The following QTGAL variants were observed in gnomAD, a reference collection of about 807,000 sequenced individuals.
QTGAL encodes the protein queuosine-tRNA galactosyltransferase, also known as BGnT-like protein 1.
the QTGAL span, chr17:83,005,724 C>G: frequency 1.3e-6 from 1 of 745,918 alleles, no homozygotes; most frequent in Non-Finnish European, 2.3e-6. The surrounding 1 kb of genome is among the most constrained non-coding windows in gnomAD (Gnocchi z 5.6). Flanking sequence ...GCCGACAACC[C>G]TCTCCCCGGG....
the QTGAL span, among the ~76,000 whole-genome samples, chr17:83,037,098 T>C: frequency 6.6e-6 from 1 of 152,104 alleles, no homozygotes; most frequent in Non-Finnish European, 1.5e-5. This position sits in a 1 kb window ranked among gnomAD's most constrained non-coding sequence, Gnocchi z 5.2. Context: ...AAAACAGACG[T>C]GTGCAGAATT....
chr17:82,942,958 T>C, the QTGAL span: 2 of 191,230 alleles, frequency 1.0e-5, no homozygotes, highest in East Asian at 3.4e-4. Context: ...AGGCATGGTC[T>C]GGAGTGCTGG....
chr17:82,960,529 CA>C, the QTGAL span: 2 of 153,644 alleles, frequency 1.3e-5, no homozygotes, highest in African/African-American at 4.8e-5. Flanking sequence ...CGATTTGCCT[CA>C]CCCCTGCCAC....
At chr17:82,955,074 C>T in the QTGAL span, among the ~76,000 whole-genome samples, 1 of 152,200 alleles carries the variant, frequency 6.6e-6, no homozygotes, top group African/African-American at 2.4e-5. Flanking sequence ...GCAAGGACTT[C>T]ATGACTAAAA....
the QTGAL span, among the ~76,000 whole-genome samples, chr17:83,009,101 C>G: frequency 6.6e-6 from 1 of 152,088 alleles, no homozygotes; most frequent in Non-Finnish European, 1.5e-5. Context: ...GAGGTGAGTC[C>G]CCCATCATAA....
chr17:83,038,807 C>T, the QTGAL span, among the ~76,000 whole-genome samples: 33 of 151,584 alleles, frequency 2.2e-4, no homozygotes, highest in African/African-American at 5.3e-4. Context: ...TGCAGTGAGC[C>T]GAGATCGCGC....
the QTGAL span, among the ~76,000 whole-genome samples, chr17:82,997,503 C>T: frequency 1.5e-4 from 23 of 152,054 alleles, no homozygotes; most frequent in Non-Finnish European, 3.1e-4. Flanking sequence ...AAAAATAGAG[C>T]CACTGTATGA....
chr17:83,023,146 G>A, the QTGAL span, among the ~76,000 whole-genome samples: 3 of 89,070 alleles, frequency 3.4e-5, no homozygotes, highest in African/African-American at 1.4e-4. Context: ...CTGCACCAGC[G>A]TGAACTCACA....
the QTGAL span, among the ~76,000 whole-genome samples, chr17:83,031,740 GC>G: frequency 6.6e-6 from 1 of 152,234 alleles, no homozygotes; most frequent in Admixed American, 6.5e-5. Context: ...GGATGGAGAT[GC>G]TTCATGAGCA....
At chr17:83,022,371 G>C in the QTGAL span, among the ~76,000 whole-genome samples, 1 of 84,150 alleles carries the variant, frequency 1.2e-5, no homozygotes, top group Non-Finnish European at 2.4e-5. Context: ...GCTTAGCACT[G>C]TCCCCGGCCC....
At chr17:82,986,517 T>C in the QTGAL span, among the ~76,000 whole-genome samples, 1 of 152,244 alleles carries the variant, frequency 6.6e-6, no homozygotes, top group Non-Finnish European at 1.5e-5. Flanking sequence ...CTTCTCCAAA[T>C]GTAAAAAGTA....
the QTGAL span, among the ~76,000 whole-genome samples, chr17:83,051,388 C>T: frequency 1.3e-5 from 2 of 151,958 alleles, no homozygotes; most frequent in Non-Finnish European, 2.9e-5. Context: ...CTCCACCCCA[C>T]GACCAGGTGA....
the QTGAL span, among the ~76,000 whole-genome samples, chr17:82,950,460 G>A: frequency 6.6e-6 from 1 of 152,084 alleles, no homozygotes; most frequent in Non-Finnish European, 1.5e-5. Context: ...TCCTGAAGAG[G>A]CTGTTTCTGA....
the QTGAL span, among the ~76,000 whole-genome samples, chr17:82,982,029 C>T: frequency 1.3e-5 from 2 of 151,282 alleles, no homozygotes; most frequent in Non-Finnish European, 3.0e-5. Context: ...GAGGAGCCTC[C>T]ATCTTTCTCA....
chr17:83,023,204 TGAGC>T, the QTGAL span, among the ~76,000 whole-genome samples: 3 of 91,948 alleles, frequency 3.3e-5, no homozygotes, highest in Non-Finnish European at 6.7e-5. Context: ...TGAACTCACA[TGAGC>T]TTAGCACTGT....
chr17:82,943,761 C>A, the QTGAL span: 9 of 152,186 alleles, frequency 5.9e-5, no homozygotes, highest in Non-Finnish European at 1.0e-4. Context: ...GGCCAATGGT[C>A]TTTATACCCT....
the QTGAL span, among the ~76,000 whole-genome samples, chr17:83,039,490 CT>C: frequency 3.2e-5 from 4 of 126,516 alleles, 1 homozygote; most frequent in East Asian, 9.5e-4. Flanking sequence ...CCGCCCGCCC[CT>C]GTTCTAGACA....
the QTGAL span, among the ~76,000 whole-genome samples, chr17:82,959,752 C>A: frequency 6.6e-6 from 1 of 151,998 alleles, no homozygotes; most frequent in Admixed American, 6.5e-5. Flanking sequence ...CCTCTGACAC[C>A]GGCCTCCTCG....
chr17:82,978,323 C>T, the QTGAL span, among the ~76,000 whole-genome samples: 2 of 152,100 alleles, frequency 1.3e-5, no homozygotes, highest in South Asian at 2.1e-4. The surrounding 1 kb of genome is among the most constrained non-coding windows in gnomAD (Gnocchi z 4.8). Context: ...AAGGTTTTAT[C>T]GGAGATGGAT....
Sources: allele counts gnomAD v4.1 joint callset (sites outside exome capture counted in the v4.1 genomes callset), GRCh38; gene constraint gnomAD v4.1.1; non-coding constraint Gnocchi (gnomAD v3.1); transcripts MANE v1.5; gene names NCBI Gene and HGNC (gene_info 2026-07-23, HGNC 2026-07-21).